The following SPCS3 variants were observed in gnomAD, a reference collection of about 807,000 sequenced individuals.
SPCS3 encodes the protein SPase 22 kDa subunit.
A neutral mutation model predicts 17.2 loss-of-function variants in SPCS3; 9 were observed. That is an observed-to-expected ratio of 0.52 (90% confidence interval 0.31 to 0.91). The LOEUF is 0.91. SPCS3 is among the 40% of genes least tolerant of loss of function. SPCS3 has a pLI of 0.04. For missense variants in SPCS3, 139 were observed against 217.5 expected, an observed-to-expected ratio of 0.64 and a Z score of 2.27; for synonymous variants, 87 against 89.6, an observed-to-expected ratio of 0.97 and a Z score of 0.16.
intron 4 of SPCS3, among the ~76,000 whole-genome samples, chr4:176,327,699 G>A (rs2127002158): frequency 6.6e-6 from 1 of 152,266 alleles, no homozygotes; most frequent in East Asian, 1.9e-4. Context: ...TAGTCAGTGT[G>A]ATTGATCTCT....
chr4:176,328,243 A>G lies in SPCS3; in HGVS notation c.456A>G (p.Pro152=). The change falls in exon 5 of 5, where the codon CCA becomes CCG. Residue 152 remains proline, a synonymous_variant. Coordinates refer to ENST00000503362, the MANE Select transcript of SPCS3 (RefSeq NM_021928.4). The part of the protein sequence containing the change: ...VTLTLSWNVV[P]NAGILPLVTG... ...TGACCCTGTCTTGGAACGTCGTACC[A>G]AATGCTGGAATTCTACCTCTTGTGA... is the stretch of plus-strand genomic sequence containing the variant. The G allele has an allele frequency of 1.2e-6, 2 of 1,613,460 alleles. No homozygotes were observed. Among genetic ancestry groups the G allele is most frequent in the South Asian group, 2.2e-5 (2 of 90,962 alleles).
At chr4:176,328,068 T>C in intron 4 of SPCS3, 130 bp from the exon 5 acceptor site, 1 of 827,158 alleles carries the variant, frequency 1.2e-6, no homozygotes, top group Non-Finnish European at 1.8e-6. Context: ...TTTTGCAGAT[T>C]AACATATTAG....
chr4:176,324,347 T>C, intron 3 of SPCS3, 90 bp downstream of exon 3: 1 of 610,568 alleles, frequency 1.6e-6, no homozygotes, highest in Non-Finnish European at 2.3e-6. Flanking sequence ...TTAAAATATC[T>C]GACCTGAGTT....
Position 176,328,184 on chromosome 4 carries a change from A to ATATC in SPCS3, c.411-12_411-9dup. On this transcript the variant is annotated splice_polypyrimidine_tract_variant and intron_variant, in intron 4 of 4. Coordinates refer to ENST00000503362, the MANE Select transcript of SPCS3 (RefSeq NM_021928.4). ...GTGTCTCTGATGACTTGTGTTTATTATATCTTTTTATAGGGGAAACAGGAA... is the reference window on the plus strand; with the variant it reads ...GTGTCTCTGATGACTTGTGTTTATTATATCTATCTTTTTATAGGGGAAACAGGAA... 6.2e-7 allele frequency: 1 copy of ATATC among 1,609,006 alleles called. No homozygotes were observed. Among genetic ancestry groups the ATATC allele is most frequent in the Non-Finnish European group, 8.5e-7 (1 of 1,178,506 alleles).
Position 176,320,230 on chromosome 4 carries a change from C to A in SPCS3, c.143+11C>A. ...CTCGCGGATCATGCTGTGAGTGAGG[C>A]CGGGCCGGCGGTGCAGGACGCCGGG... On this transcript the variant is annotated intron_variant, in intron 1 of 4. Transcript: ENST00000503362. 1 of 1,549,584 alleles carries A rather than the reference C, an allele frequency of 6.5e-7. No homozygotes were observed. Among genetic ancestry groups the A allele is most frequent in the Non-Finnish European group, 8.7e-7 (1 of 1,148,758 alleles).
chr4:176,326,646 C>G (rs1406789365), intron 3 of SPCS3, among the ~76,000 whole-genome samples: 2 of 152,080 alleles, frequency 1.3e-5, no homozygotes, highest in Admixed American at 6.5e-5. Flanking sequence ...GTAAAGAAAT[C>G]TTGGAGAAGA....
At chr4:176,321,617 CA>C (rs1355353638) in intron 1 of SPCS3, 1 of 152,154 alleles carries the variant, frequency 6.6e-6, no homozygotes, top group African/African-American at 2.4e-5. Context: ...AAGTTAAGCA[CA>C]ATAAGAGATT....
chr4:176,323,946 A>G (rs1237419105), intron 2 of SPCS3, among the ~76,000 whole-genome samples: 1 of 151,270 alleles, frequency 6.6e-6, no homozygotes, highest in Non-Finnish European at 1.5e-5. Flanking sequence ...TCCTTGGAGG[A>G]GTATGGGAGG....
chr4:176,328,428 G>A lies in SPCS3; in HGVS notation c.*98G>A. On this transcript the variant is annotated 3_prime_UTR_variant, in exon 5 of 5. Coordinates refer to ENST00000503362, the MANE Select transcript of SPCS3 (RefSeq NM_021928.4). ...TTCATGTATTGTTGGTTTGTTTTTT[G>A]GTTTTGGGTTTTTTTTTTTTTTTTT... The A allele has an allele frequency of 1.1e-6, 1 of 918,696 alleles. No homozygotes were observed. The highest frequency in any genetic ancestry group is 1.4e-6 in the Non-Finnish European group (1 of 707,892). The allele number at this position is 918,696 out of a possible 1,614,324, so 56.9% of individuals were successfully genotyped here. A position where few individuals can be genotyped will look rare whatever the true frequency, so the allele number is the denominator to read the frequency against.
At position 176,322,235 on chromosome 4, in the gene SPCS3, T is replaced by A; in HGVS notation, c.209T>A (p.Ile70Lys). The A allele has an allele frequency of 6.3e-7, 1 of 1,592,304 alleles. No individual in the cohort carries two copies. Among genetic ancestry groups the A allele is most frequent in the Non-Finnish European group, 8.6e-7 (1 of 1,161,008 alleles). The change falls in exon 2 of 5, where the codon ATA becomes AAA. Residue 70 changes from isoleucine to lysine, a missense_variant. By Grantham distance (102) the Ile-to-Lys change is moderately radical. Coordinates refer to ENST00000503362, the MANE Select transcript of SPCS3 (RefSeq NM_021928.4). ...GATCTGGGATTTATCACATTTGATA[T>A]AACTGCTGATATCCTTTAAGAAAAT... ...RSDLGFITFD[I>K]TADLENIFDW...
At position 176,328,551 on chromosome 4, in the gene SPCS3, G is replaced by A. The variant is rs1209923980; in HGVS notation, c.*221G>A. On this transcript the variant is annotated 3_prime_UTR_variant, in exon 5 of 5. Coordinates refer to ENST00000503362, the MANE Select transcript of SPCS3 (RefSeq NM_021928.4). ...AACAAAAAAACAAGGCTGCCACAGT[G>A]GAATATTATCTTACAAGAATAAGAA... 5.0e-5 allele frequency: 14 copies of A among 279,688 alleles called. No homozygotes were observed. In the East Asian group the frequency reaches 6.9e-4, roughly 14 times the overall value. 17.3% of individuals were successfully genotyped at this position (279,688 alleles called of 1,614,324 possible).
At position 176,329,235 on chromosome 4, in the gene SPCS3, A is replaced by G. The variant is rs183795954; in HGVS notation, c.*905A>G. 6.6e-6 allele frequency: 1 copy of G among 152,264 alleles called. No homozygotes were observed. The highest frequency in any genetic ancestry group is 1.9e-4 in the East Asian group (1 of 5,186). 9.4% of individuals were successfully genotyped at this position (152,264 alleles called of 1,614,324 possible). ...TATGCTTTCCATTTACAAACCACTCATATACTTTAGTGTATGTCATCCTCA... is the reference window on the plus strand; with the variant it reads ...TATGCTTTCCATTTACAAACCACTCGTATACTTTAGTGTATGTCATCCTCA... On this transcript the variant is annotated 3_prime_UTR_variant, in exon 5 of 5. Transcript: ENST00000503362.
chr4:176,330,526 C>T lies in SPCS3; in HGVS notation c.*2196C>T, dbSNP rs539021038. 6.6e-6 allele frequency: 1 copy of T among 152,294 alleles called. No homozygotes were observed. Among genetic ancestry groups the T allele is most frequent in the South Asian group, 2.1e-4 (1 of 4,822 alleles). The allele number at this position is 152,294 out of a possible 1,614,324, so 9.4% of individuals were successfully genotyped here. A position where few individuals can be genotyped will look rare whatever the true frequency, so the allele number is the denominator to read the frequency against. On this transcript the variant is annotated 3_prime_UTR_variant, in exon 5 of 5. Coordinates refer to ENST00000503362, the MANE Select transcript of SPCS3 (RefSeq NM_021928.4). ...GATAAGTAAAAATGCCCAACTAGTA[C>T]AATGTGGAGAAAGTTTTCTGTTTGC...
rs1238149552 is a variant in SPCS3 at position 176,329,030 on chromosome 4, C to T, written c.*700C>T. 1.3e-5 allele frequency: 2 copies of T among 151,932 alleles called. No homozygotes were observed. The highest frequency in any genetic ancestry group is 2.9e-5 in the Non-Finnish European group (2 of 67,930). 9.4% of individuals were successfully genotyped at this position (151,932 alleles called of 1,614,324 possible). ...GTGTCTTCAGTGCTTTCTCTAAAAA[C>T]GTTCCTTTATAGCTTTGTACTTTTT... On this transcript the variant is annotated 3_prime_UTR_variant, in exon 5 of 5. Coordinates refer to ENST00000503362, the MANE Select transcript of SPCS3 (RefSeq NM_021928.4).
intron 3 of SPCS3, 70 bp downstream of exon 3, chr4:176,324,327 T>G: frequency 1.4e-6 from 1 of 710,304 alleles, no homozygotes; most frequent in Non-Finnish European, 2.0e-6. Flanking sequence ...GAATACACAT[T>G]TTTATATATT....
chr4:176,320,316 C>T (rs1201743051), intron 1 of SPCS3, 97 bp downstream of exon 1: 1 of 1,143,318 alleles, frequency 8.7e-7, no homozygotes, highest in East Asian at 3.8e-5. Flanking sequence ...GCCGGGGCCG[C>T]GGGCAGGGCG....
intron 2 of SPCS3, among the ~76,000 whole-genome samples, chr4:176,322,494 T>G (rs1731551341): frequency 6.6e-6 from 1 of 152,114 alleles, no homozygotes; most frequent in Admixed American, 6.5e-5. Flanking sequence ...GAAAACTACA[T>G]AAGAAAGTTT....
rs1731515936 is a variant in SPCS3, at chr4:176,320,196, G to A, written c.120G>A (p.Arg40=). The A allele has an allele frequency of 6.4e-7, 1 of 1,573,800 alleles. No individual in the cohort carries two copies. Among genetic ancestry groups the A allele is most frequent in the Non-Finnish European group, 8.6e-7 (1 of 1,161,234 alleles). Reference sequence around the variant, plus strand: ...TCAAAGACAGGAGCGTCCCGGTGCGGCTGCACGTCTCGCGGATCATGCTGT... The same window carrying A: ...TCAAAGACAGGAGCGTCCCGGTGCGACTGCACGTCTCGCGGATCATGCTGT... ...TAFKDRSVPV[R]LHVSRIMLKN... The change falls in exon 1 of 5, where the codon CGG becomes CGA. Residue 40 remains arginine, a synonymous_variant. Coordinates refer to ENST00000503362, the MANE Select transcript of SPCS3 (RefSeq NM_021928.4).
At chr4:176,321,971 T>C (rs1172426905) in intron 1 of SPCS3, 199 bp from the exon 2 acceptor site, 2 of 427,252 alleles carry the variant, frequency 4.7e-6, no homozygotes, top group Admixed American at 4.2e-5. Context: ...GTATATGCAA[T>C]TAGCTGAAGA....
Sources: allele counts gnomAD v4.1 joint callset (sites outside exome capture counted in the v4.1 genomes callset), GRCh38; gene constraint gnomAD v4.1.1; transcripts MANE v1.5; gene names NCBI Gene and HGNC (gene_info 2026-07-23, HGNC 2026-07-21).